The following WWP2 variants were observed in gnomAD, a reference collection of about 807,000 sequenced individuals.
The protein encoded by WWP2 is NEDD4-like E3 ubiquitin-protein ligase WWP2.
WWP2 carries 57 observed loss-of-function variants against 121.0 expected under a neutral mutation model. The ratio of observed to expected loss-of-function variants is 0.47; its 90% confidence interval spans 0.38 to 0.59. The LOEUF is 0.59. Ranked by LOEUF, WWP2 falls within the 20% of genes least tolerant of loss-of-function variation. The pLI is 0.00. For missense variants in WWP2, 962 were observed against 1,158.9 expected (o/e 0.83, Z 2.47); for synonymous variants, 449 against 441.3 (o/e 1.02, Z -0.22).
In WWP2 at chr16:69,799,189, G is replaced by C. The variant is rs1419895221; in HGVS notation, c.234G>C (p.Gln78His). The C allele has an allele frequency of 1.9e-6, 3 of 1,613,626 alleles. No homozygotes were observed. Among genetic ancestry groups the C allele is most frequent in the Non-Finnish European group, 2.5e-6 (3 of 1,179,832 alleles). ...NEIIILNVTA[Q>H]SHLDLKVWSC... The stretch of plus-strand genomic sequence containing the variant: ...TGTTTTTCAGGAATGTCACGGCACA[G>C]AGTCATTTAGATTTAAAGGTCTGGA... The change falls in exon 4 of 24, where the codon CAG becomes CAC. Residue 78 changes from glutamine (Q) to histidine (H), a missense_variant. By Grantham distance (24) the Gln-to-His change is conservative. Coordinates refer to ENST00000359154, the MANE Select transcript of WWP2 (RefSeq NM_001270454.2). This position sits in a 1 kb window ranked among gnomAD's most constrained non-coding sequence, Gnocchi z 4.5.
intron 11 of WWP2, among the ~76,000 whole-genome samples, chr16:69,928,925 G>T (rs1053421691): frequency 6.6e-6 from 1 of 152,158 alleles, no homozygotes; most frequent in Non-Finnish European, 1.5e-5. Context: ...GTACAGGGGC[G>T]CAGGGTGCAG....
In WWP2 at chr16:69,929,487, A is replaced by G; in HGVS notation, c.1274A>G (p.His425Arg). The stretch of plus-strand genomic sequence containing the variant: ...AATGGACGGGTGTATTACGTGAACC[A>G]TAACACTCGCACGACCCAGTGGGAG... ...QDNGRVYYVNHNTRTTQWEDP... is the reference protein window; with the variant it reads ...QDNGRVYYVNRNTRTTQWEDP... Residue 425 changes from histidine to arginine, a missense_variant, in exon 12 of 24, where the codon CAT (histidine) becomes CGT (arginine). His to Arg is a conservative substitution (Grantham distance 29, BLOSUM62 0). Around this residue, in one of 3 missense-constraint regions of WWP2, gnomAD observed 606 missense variants for 772.6 expected, o/e 0.78. Transcript: ENST00000359154. The G allele has an allele frequency of 6.2e-7, 1 of 1,614,174 alleles. No homozygotes were observed. Among genetic ancestry groups the G allele is most frequent in the African/African-American group, 1.3e-5 (1 of 75,062 alleles).
At chr16:69,770,496 G>A (rs868377756) in intron 1 of WWP2, among the ~76,000 whole-genome samples, 25 of 152,104 alleles carry the variant, frequency 1.6e-4, no homozygotes, top group Non-Finnish European at 7.3e-5. Context: ...CACATGCCTC[G>A]CCCTACGTCT....
At chr16:69,804,793 C>G (rs2056242461) in intron 4 of WWP2, among the ~76,000 whole-genome samples, 1 of 152,112 alleles carries the variant, frequency 6.6e-6, no homozygotes, top group Admixed American at 6.5e-5. Flanking sequence ...AATTTTCATA[C>G]TGAACTCCCC....
chr16:69,863,328 G>C (rs1396410105), intron 6 of WWP2, among the ~76,000 whole-genome samples: 1 of 152,056 alleles, frequency 6.6e-6, no homozygotes, highest in Non-Finnish European at 1.5e-5. Flanking sequence ...ATACAGCCAG[G>C]TAGTCACTAT....
At chr16:69,829,796 A>G (rs1032867390) in intron 4 of WWP2, among the ~76,000 whole-genome samples, 4 of 152,146 alleles carry the variant, frequency 2.6e-5, no homozygotes, top group African/African-American at 9.7e-5. Context: ...AAGCAGGGAC[A>G]ACGTCTGTTT....
chr16:69,936,543 C>A, intron 19 of WWP2, 91 bp downstream of exon 19: 4 of 1,555,700 alleles, frequency 2.6e-6, no homozygotes, highest in Non-Finnish European at 3.5e-6. Flanking sequence ...TGTGGCCCAT[C>A]GGTCACTGTG....
Position 69,888,061 on chromosome 16 carries a change from C to T in WWP2, c.726C>T (p.Ala242=). 2 of 1,614,224 alleles carry T rather than the reference C, an allele frequency of 1.2e-6. No homozygotes were observed. Among genetic ancestry groups the T allele is most frequent in the South Asian group, 1.1e-5 (1 of 91,082 alleles). ...NGTVNDEPTT[A]TDPEEPSVVG... Reference sequence around the variant, plus strand: ...CAGTGAATGATGAACCCACAACAGCCACTGATCCCGAAGAACCTTCCGTTG... The same window carrying T: ...CAGTGAATGATGAACCCACAACAGCTACTGATCCCGAAGAACCTTCCGTTG... The change falls in exon 8 of 24, where the codon GCC becomes GCT. Residue 242 remains alanine (A), a synonymous_variant. Coordinates refer to ENST00000359154, the MANE Select transcript of WWP2 (RefSeq NM_001270454.2).
chr16:69,934,311 C>T (rs1311688886), intron 17 of WWP2, among the ~76,000 whole-genome samples, 182 bp downstream of exon 17: 2 of 152,094 alleles, frequency 1.3e-5, no homozygotes, highest in Admixed American at 6.5e-5. Context: ...AACGGCAGCC[C>T]CCGTGGACTG....
At position 69,799,584 on chromosome 16, in the gene WWP2, G is replaced by T; in HGVS notation, c.340+289G>T. The T allele has an allele frequency of 3.0e-6, 1 of 337,422 alleles. No individual in the cohort carries two copies. The highest frequency in any genetic ancestry group is 4.8e-5 in the South Asian group (1 of 20,632). The allele number at this position is 337,422 out of a possible 1,614,324, so 20.9% of individuals were successfully genotyped here. A position where few individuals can be genotyped will look rare whatever the true frequency, so the allele number is the denominator to read the frequency against. On this transcript the variant is annotated intron_variant, in intron 4 of 23. Coordinates refer to ENST00000359154, the MANE Select transcript of WWP2 (RefSeq NM_001270454.2). This position sits in a 1 kb window ranked among gnomAD's most constrained non-coding sequence, Gnocchi z 4.5. ...GTCTGCCTCTGCTCCTCTTCCCGTT[G>T]CAGGAGATGTGTGATATGTTGAATG...
chr16:69,830,642 G>A (rs1212282460), intron 4 of WWP2, among the ~76,000 whole-genome samples: 5 of 152,120 alleles, frequency 3.3e-5, no homozygotes, highest in Admixed American at 6.6e-5. Context: ...GGGGGGCCGC[G>A]GGGAGGTGGA....
chr16:69,896,130 C>A (rs2058100781), intron 8 of WWP2, among the ~76,000 whole-genome samples: 1 of 152,108 alleles, frequency 6.6e-6, no homozygotes, highest in African/African-American at 2.4e-5. Context: ...CACTTTCTTT[C>A]CTTTTTTTGG....
chr16:69,864,376 T>A (rs1043358636), intron 6 of WWP2, among the ~76,000 whole-genome samples: 3 of 151,992 alleles, frequency 2.0e-5, no homozygotes, highest in African/African-American at 4.8e-5. Flanking sequence ...TATTAATTTT[T>A]AAAAATACCT....
At chr16:69,762,543 C>T (rs1459755357) in intron 1 of WWP2, among the ~76,000 whole-genome samples, 152 bp downstream of exon 1, 2 of 150,150 alleles carry the variant, frequency 1.3e-5, no homozygotes, top group African/African-American at 2.4e-5. Context: ...GCGGCGGTTC[C>T]GGCCTCCGAG....
At chr16:69,853,369 A>G (rs9922342) in intron 6 of WWP2, among the ~76,000 whole-genome samples, 24,089 of 152,078 alleles carry the variant, frequency 0.16, 2,239 homozygotes, top group East Asian at 0.4. Context: ...CGCTTTATGT[A>G]TTTGAAGTGG....
At chr16:69,776,695 G>A (rs1033698456) in intron 1 of WWP2, among the ~76,000 whole-genome samples, 2 of 152,156 alleles carry the variant, frequency 1.3e-5, no homozygotes, top group Non-Finnish European at 2.9e-5. Context: ...GGGCGTGGTG[G>A]TGCATGCCTG....
chr16:69,814,601 C>T (rs931032892), intron 4 of WWP2, among the ~76,000 whole-genome samples: 23 of 152,174 alleles, frequency 1.5e-4, no homozygotes, highest in African/African-American at 5.1e-4. Flanking sequence ...TCTCTTTCCT[C>T]GTGTGTCTAC....
intron 11 of WWP2, among the ~76,000 whole-genome samples, chr16:69,928,925 G>A (rs1053421691): frequency 2.0e-5 from 3 of 152,158 alleles, no homozygotes; most frequent in Non-Finnish European, 4.4e-5. Context: ...GTACAGGGGC[G>A]CAGGGTGCAG....
In WWP2 at chr16:69,931,644, A is replaced by G. The variant is rs539658461; in HGVS notation, c.1593+64A>G. Reference sequence around the variant, plus strand: ...CCCTCCTCCCAGCACCCCATCTCCTATCGCGTGGCCTGTTAAACCCACACT... The same window carrying G: ...CCCTCCTCCCAGCACCCCATCTCCTGTCGCGTGGCCTGTTAAACCCACACT... On this transcript the variant is annotated intron_variant, in intron 15 of 23. Coordinates refer to ENST00000359154, the MANE Select transcript of WWP2 (RefSeq NM_001270454.2). 449 of 1,604,988 alleles carry G rather than the reference A, an allele frequency of 2.8e-4. 6 individuals are homozygous for G. The South Asian group carries it at 4.6e-3, about 16-fold the overall frequency.
Sources: allele counts gnomAD v4.1 joint callset (sites outside exome capture counted in the v4.1 genomes callset), GRCh38; gene constraint gnomAD v4.1.1; regional missense constraint gnomAD v4.1.1; non-coding constraint Gnocchi (gnomAD v3.1); transcripts MANE v1.5; gene names NCBI Gene and HGNC (gene_info 2026-07-23, HGNC 2026-07-21).